Variants in TAS1R2 observed in about 807,000 individuals in gnomAD.
TAS1R2 encodes the protein taste receptor type 1 member 2.
TAS1R2 carries 47 observed loss-of-function variants against 49.3 expected under a neutral mutation model. The ratio of observed to expected loss-of-function variants is 0.95; its 90% CI spans 0.75 to 1.22. The LOEUF is 1.22. TAS1R2 is among the 50% of genes most tolerant of loss of function. The probability of loss-of-function intolerance (pLI) is 0.00; values close to 1 mark genes in which losing one functional copy is unlikely to be tolerated. For missense variants in TAS1R2, 1,155 were observed against 1,122.1 expected, an observed-to-expected ratio of 1.03 and a Z score of -0.42; for synonymous variants, 479 against 467.9, an observed-to-expected ratio of 1.02 and a Z score of -0.31.
intron 1 of TAS1R2, 66 bp from the exon 2 acceptor site, chr1:18,857,697 C>T (rs369073002): frequency 1.5e-5 from 23 of 1,520,008 alleles, no homozygotes; most frequent in Non-Finnish European, 1.9e-5. Flanking sequence ...GATAAGAGAA[C>T]CAGCCCACTC....
At chr1:18,841,923 C>T in intron 4 of TAS1R2, 71 bp from the exon 5 acceptor site, 1 of 1,482,456 alleles carries the variant, frequency 6.7e-7, no homozygotes. Flanking sequence ...CCCTCTCCAA[C>T]CAGCAGGATG....
chr1:18,841,881 G>A (rs1378655708), intron 4 of TAS1R2, 29 bp from the exon 5 acceptor site: 6 of 1,544,146 alleles, frequency 3.9e-6, no homozygotes, highest in South Asian at 1.2e-5. Flanking sequence ...GAGACCCTGA[G>A]TCCTCTTTTC....
At chr1:18,849,021 G>T (rs1027191132) in intron 4 of TAS1R2, among the ~76,000 whole-genome samples, 1 of 152,206 alleles carries the variant, frequency 6.6e-6, no homozygotes, top group South Asian at 2.1e-4. Context: ...GCGCCAAAAA[G>T]GTTGGGGACC....
At chr1:18,851,034 A>G in intron 3 of TAS1R2, among the ~76,000 whole-genome samples, 1 of 152,254 alleles carries the variant, frequency 6.6e-6, no homozygotes, top group Non-Finnish European at 1.5e-5. Flanking sequence ...TGAGAAAATC[A>G]AGGCTCAGAG....
intron 2 of TAS1R2, among the ~76,000 whole-genome samples, chr1:18,856,601 C>T (rs1210178848): frequency 1.3e-5 from 2 of 152,206 alleles, no homozygotes; most frequent in African/African-American, 4.8e-5. Context: ...GTACCTGGCA[C>T]ATAGTAGGTG....
At chr1:18,849,628 T>A in intron 3 of TAS1R2, 78 bp from the exon 4 acceptor site, 1 of 1,503,902 alleles carries the variant, frequency 6.6e-7, no homozygotes. Context: ...TGGGAAAGAT[T>A]CTACCATTCC....
intron 2 of TAS1R2, among the ~76,000 whole-genome samples, chr1:18,856,360 C>A (rs1266420667): frequency 2.6e-5 from 4 of 152,084 alleles, no homozygotes; most frequent in African/African-American, 7.2e-5. Context: ...CCCACCTGAC[C>A]ACCCTGTTGA....
At chr1:18,858,791 T>C (rs1439986833) in intron 1 of TAS1R2, among the ~76,000 whole-genome samples, 1 of 152,190 alleles carries the variant, frequency 6.6e-6, no homozygotes, top group Non-Finnish European at 1.5e-5. Context: ...AGCCAGCATA[T>C]AATCTTCCCC....
rs1934080367 is a variant in TAS1R2 at position 18,854,058 on chromosome 1, T to C, written c.1257+155A>G. Among the ~76,000 whole-genome samples, 1 of 152,178 alleles carries C rather than the reference T, an allele frequency of 6.6e-6. No individual in the cohort carries two copies. Among genetic ancestry groups the C allele is most frequent in the Non-Finnish European group, 1.5e-5 (1 of 68,034 alleles). On this transcript the variant is annotated intron_variant, in intron 3 of 5. Transcript: ENST00000375371. This position sits in a 1 kb window ranked among gnomAD's most constrained non-coding sequence, Gnocchi z 4.9. ...CTATCTTGAATGGTGAGTGTTCAAT[T>C]AATTTAAAAAGCAATTTTGTTTTGG...
At chr1:18,843,806 G>C (rs1206066481) in intron 4 of TAS1R2, among the ~76,000 whole-genome samples, 1 of 152,178 alleles carries the variant, frequency 6.6e-6, no homozygotes, top group Non-Finnish European at 1.5e-5. Flanking sequence ...CCTGACCCCA[G>C]GACATCAAGT....
chr1:18,857,990 A>T (rs1934171651), intron 1 of TAS1R2, among the ~76,000 whole-genome samples: 1 of 150,628 alleles, frequency 6.6e-6, no homozygotes, highest in African/African-American at 2.5e-5. Context: ...CATATTACCA[A>T]TATCACCACC....
chr1:18,846,688 C>T (rs548313550), intron 4 of TAS1R2, among the ~76,000 whole-genome samples: 1 of 152,310 alleles, frequency 6.6e-6, no homozygotes, highest in South Asian at 2.1e-4. Flanking sequence ...TCCTTAATCT[C>T]ATATGAGTGA....
intron 2 of TAS1R2, 79 bp from the exon 3 acceptor site, chr1:18,855,065 A>G: frequency 6.5e-7 from 1 of 1,532,398 alleles, no homozygotes; most frequent in Non-Finnish European, 8.8e-7. Context: ...ATCCACCATC[A>G]TCATCTGGGA....
exon 6 of TAS1R2, chr1:18,840,314 G>A: frequency 6.2e-7 from 1 of 1,614,040 alleles, no homozygotes; most frequent in Admixed American, 1.7e-5. Flanking sequence ...GAAGCACATG[G>A]GGCCCCCAGC....
rs1396001367 is a variant in TAS1R2 at position 18,854,963 on chromosome 1, A to G, written c.507T>C (p.Asp169=). The stretch of plus-strand genomic sequence containing the variant: ...GGAAGCGCACCTTGTCTCGCAGCTC[A>G]TCGCTGATGGCGCTGTAGGTGATCT... The change falls in exon 3 of 6, where the codon GAT becomes GAC. Residue 169 remains aspartate (D), a synonymous_variant. Transcript: ENST00000375371. This position sits in a 1 kb window ranked among gnomAD's most constrained non-coding sequence, Gnocchi z 4.9. 6 of 1,606,072 alleles carry G rather than the reference A, an allele frequency of 3.7e-6. No individual in the cohort carries two copies. Among genetic ancestry groups the G allele is most frequent in the African/African-American group, 1.3e-5 (1 of 74,880 alleles).
exon 6 of TAS1R2, chr1:18,839,791 G>A: frequency 1.2e-6 from 2 of 1,614,246 alleles, no homozygotes; most frequent in Non-Finnish European, 1.7e-6. Flanking sequence ...TGAAGGTGCA[G>A]AGGGAGACGG....
intron 2 of TAS1R2, among the ~76,000 whole-genome samples, chr1:18,856,956 T>G (rs1219073761): frequency 6.6e-6 from 1 of 152,202 alleles, no homozygotes; most frequent in Non-Finnish European, 1.5e-5. Flanking sequence ...AAAACAACAT[T>G]ATTTACTACC....
At chr1:18,841,976 A>G in intron 4 of TAS1R2, 124 bp from the exon 5 acceptor site, 1 of 1,022,054 alleles carries the variant, frequency 9.8e-7, no homozygotes. Context: ...TTTGGGGTGG[A>G]AACTGTAGAA....
intron 3 of TAS1R2, among the ~76,000 whole-genome samples, chr1:18,852,423 G>C (rs1157687299): frequency 6.6e-6 from 1 of 152,210 alleles, no homozygotes; most frequent in Non-Finnish European, 1.5e-5. Flanking sequence ...GGTCTAACTT[G>C]TCTGCACAAA....
Sources: allele counts gnomAD v4.1 joint callset (sites outside exome capture counted in the v4.1 genomes callset), GRCh38; gene constraint gnomAD v4.1.1; non-coding constraint Gnocchi (gnomAD v3.1); transcripts MANE v1.5; gene names NCBI Gene and HGNC (gene_info 2026-07-23, HGNC 2026-07-21).